HHIP: variants seen among roughly 807,000 people sequenced by gnomAD.
HHIP encodes hedgehog-interacting protein.
A neutral mutation model predicts 74.0 loss-of-function variants in HHIP; 12 were observed. That is an observed-to-expected ratio of 0.16 (90% confidence interval 0.10 to 0.26). The LOEUF (loss-of-function observed/expected upper bound fraction) is 0.26. Ranked by LOEUF, HHIP falls within the 10% of genes least tolerant of loss-of-function variation. The pLI is 1.00. For missense variants in HHIP, 788 were observed against 845.0 expected (o/e 0.93, Z 0.84); for synonymous variants, 309 against 311.6 (o/e 0.99, Z 0.09).
chr4:144,693,130 G>A (rs1729720805), intron 4 of HHIP, among the ~76,000 whole-genome samples: 1 of 152,128 alleles, frequency 6.6e-6, no homozygotes, highest in Admixed American at 6.6e-5. Context: ...AGTGAGGAAA[G>A]TGGAACCACT....
intron 4 of HHIP, among the ~76,000 whole-genome samples, chr4:144,677,608 T>C (rs1000199621): frequency 6.6e-6 from 1 of 152,114 alleles, no homozygotes; most frequent in African/African-American, 2.4e-5. Context: ...GAAATCGAGG[T>C]GTTGTTAGTA....
At chr4:144,703,976 T>C (rs1053680375) in intron 4 of HHIP, among the ~76,000 whole-genome samples, 1 of 152,200 alleles carries the variant, frequency 6.6e-6, no homozygotes, top group Non-Finnish European at 1.5e-5. Context: ...ATATTTTAAT[T>C]AAGTAGACAA....
chr4:144,658,755 G>A (rs6537301), intron 2 of HHIP, 35 bp from the exon 3 acceptor site: 815,544 of 1,563,592 alleles, frequency 0.52, 217,000 homozygotes, highest in South Asian at 0.73. Context: ...TATGACATTA[G>A]GTGCTTCTAA....
chr4:144,668,578 C>T (rs2126602604), intron 4 of HHIP, among the ~76,000 whole-genome samples: 2 of 152,056 alleles, frequency 1.3e-5, no homozygotes, highest in South Asian at 4.2e-4. Flanking sequence ...ATAGTGAAAC[C>T]CCTTCTTTAC....
At chr4:144,721,413 A>G (rs938686297) in intron 11 of HHIP, among the ~76,000 whole-genome samples, 1 of 152,172 alleles carries the variant, frequency 6.6e-6, no homozygotes, top group African/African-American at 2.4e-5. Context: ...TTACCACCTC[A>G]GTCTGTAAGG....
chr4:144,647,213 C>A, intron 1 of HHIP: 1 of 426,890 alleles, frequency 2.3e-6, no homozygotes, highest in Non-Finnish European at 4.1e-6. Context: ...CTGCGGTACC[C>A]GCACCCTGGG....
chr4:144,673,409 A>G (rs537393562), intron 4 of HHIP, among the ~76,000 whole-genome samples: 1 of 152,340 alleles, frequency 6.6e-6, no homozygotes, highest in South Asian at 2.1e-4. Context: ...TTACAGGAAA[A>G]TATCAATTGT....
At chr4:144,664,340 C>A (rs931100918) in intron 4 of HHIP, among the ~76,000 whole-genome samples, 1 of 152,214 alleles carries the variant, frequency 6.6e-6, no homozygotes, top group African/African-American at 2.4e-5. Context: ...CAGGGTCCAC[C>A]AGGGCAAGCC....
intron 4 of HHIP, chr4:144,661,434 T>C (rs1409777267): frequency 6.6e-6 from 1 of 152,194 alleles, no homozygotes; most frequent in African/African-American, 2.4e-5. Context: ...CTGGTGAACT[T>C]ATATGACATA....
rs148945518 is a variant in HHIP at position 144,712,004 on chromosome 4, T to C, written c.1356T>C (p.Cys452=). ...TAAACATCAATTTAACGATACTGTG[T>C]TCAGACTCCAATGGAAAAAACAGAT... ...TDININLTIL[C]SDSNGKNRSS... is the part of the protein sequence containing the mutation. Residue 452 remains cysteine (C), a synonymous_variant, in exon 8 of 13, where the codon TGT becomes TGC. Coordinates refer to ENST00000296575, the MANE Select transcript of HHIP (RefSeq NM_022475.3). The C allele has an allele frequency of 7.9e-5, 127 of 1,611,550 alleles. No homozygotes were observed. The African/African-American group carries it at 1.5e-3, about 19-fold the overall frequency.
Position 144,707,786 on chromosome 4 carries a change from T to G in HHIP, c.1158-382T>G, listed in dbSNP as rs146777369. Among the ~76,000 whole-genome samples the G allele has an allele frequency of 5.9e-3, 894 of 152,320 alleles. 9 individuals carry two copies. Among genetic ancestry groups the G allele is most frequent in the African/African-American group, 0.021 (870 of 41,574 alleles). On this transcript the variant is annotated intron_variant, in intron 6 of 12. Coordinates refer to ENST00000296575, the MANE Select transcript of HHIP (RefSeq NM_022475.3). ...TTATTTTATTTAATTATTCCTTTAT[T>G]TATTCAGACAAGGTCTCACTCTATT...
chr4:144,712,124 A>G, intron 8 of HHIP, 53 bp downstream of exon 8: 3 of 1,479,920 alleles, frequency 2.0e-6, no homozygotes, highest in Non-Finnish European at 2.8e-6. Flanking sequence ...TTGTCTTAGT[A>G]TATTTAGTAA....
chr4:144,647,434 C>T (rs1446220876), intron 1 of HHIP, among the ~76,000 whole-genome samples: 1 of 152,180 alleles, frequency 6.6e-6, no homozygotes, highest in Non-Finnish European at 1.5e-5. Context: ...TGATCCCCAG[C>T]CCCGTCAGAG....
chr4:144,673,979 A>G (rs1033888830), intron 4 of HHIP, among the ~76,000 whole-genome samples: 1 of 152,210 alleles, frequency 6.6e-6, no homozygotes, highest in African/African-American at 2.4e-5. Flanking sequence ...TGAAAAATTG[A>G]AAAAGGAAAG....
rs1415796353 is a variant in HHIP at position 144,646,456 on chromosome 4, G to A, written c.-220G>A. 8.1e-6 allele frequency: 4 copies of A among 493,094 alleles called. No individual in the cohort carries two copies. The highest frequency in any genetic ancestry group is 3.6e-5 in the South Asian group (1 of 27,538). The allele number at this position is 493,094 out of a possible 1,614,324, so 30.5% of individuals were successfully genotyped here. Reference sequence around the variant, plus strand: ...GGTGTCATCCGCACAACTTTATCTCGCTCCTCGGGCTCCCCTAAGGCATTG... The same window carrying A: ...GGTGTCATCCGCACAACTTTATCTCACTCCTCGGGCTCCCCTAAGGCATTG... On this transcript the variant is annotated 5_prime_UTR_variant, in exon 1 of 13. Coordinates refer to ENST00000296575, the MANE Select transcript of HHIP (RefSeq NM_022475.3).
intron 4 of HHIP, among the ~76,000 whole-genome samples, chr4:144,695,356 T>C (rs1207894222): frequency 6.6e-6 from 1 of 151,860 alleles, no homozygotes; most frequent in Non-Finnish European, 1.5e-5. Flanking sequence ...TATTCGTCCT[T>C]AGTTTATAAT....
Position 144,714,333 on chromosome 4 carries a change from T to C in HHIP, c.1532T>C (p.Phe511Ser). The change falls in exon 9 of 13, where the codon TTT becomes TCT. Residue 511 changes from phenylalanine to serine, a missense_variant. Physicochemically the swap from Phe to Ser is radical, Grantham distance 155. Coordinates refer to ENST00000296575, the MANE Select transcript of HHIP (RefSeq NM_022475.3). ...QSERLYGSYV[F>S]GDRNGNFLTL... ...GAAAGATTGTATGGAAGCTACGTGT[T>C]TGGAGATCGTAATGGGTAGGTTTCC... 6.2e-7 allele frequency: 1 copy of C among 1,613,446 alleles called. No homozygotes were observed. Among genetic ancestry groups the C allele is most frequent in the Non-Finnish European group, 8.5e-7 (1 of 1,179,564 alleles).
At chr4:144,678,085 C>A (rs1202416283) in intron 4 of HHIP, among the ~76,000 whole-genome samples, 1 of 152,116 alleles carries the variant, frequency 6.6e-6, no homozygotes, top group Non-Finnish European at 1.5e-5. Context: ...ATCTATACAA[C>A]CTATAGTCCC....
chr4:144,686,779 G>C (rs115854946), intron 4 of HHIP, among the ~76,000 whole-genome samples: 2 of 152,222 alleles, frequency 1.3e-5, no homozygotes, highest in African/African-American at 4.8e-5. Flanking sequence ...GCCATTTGCT[G>C]GCTCAGCTTA....
Sources: gnomAD v4.1 joint callset for allele counts (sites outside exome capture counted in the v4.1 genomes callset) on GRCh38, gnomAD v4.1.1 for gene constraint, MANE v1.5 for transcripts, NCBI Gene and HGNC (gene_info 2026-07-23, HGNC 2026-07-21) for gene names.